The following CALCR variants were observed in gnomAD, a reference collection of about 807,000 sequenced individuals.
CALCR encodes calcitonin receptor.
CALCR carries 47 observed loss-of-function variants against 59.5 expected under a neutral mutation model. The ratio of observed to expected loss-of-function variants is 0.79; its 90% CI spans 0.63 to 1.01. CALCR has a LOEUF of 1.01. Ranked by LOEUF, CALCR falls within the 50% of genes least tolerant of loss-of-function variation. CALCR has a pLI of 0.00. For synonymous variants in CALCR, 213 were observed against 211.3 expected (o/e 1.01, Z -0.07); for missense variants, 566 against 597.1 (o/e 0.95, Z 0.54).
At chr7:93,510,046 G>A (rs1349201579) in intron 2 of CALCR, among the ~76,000 whole-genome samples, 6 of 152,130 alleles carry the variant, frequency 3.9e-5, no homozygotes, top group South Asian at 2.1e-4. Context: ...AAGAATAAAC[G>A]ACTCTTACTA....
chr7:93,471,072 T>C (rs1210523483), intron 6 of CALCR, among the ~76,000 whole-genome samples: 1 of 151,738 alleles, frequency 6.6e-6, no homozygotes, highest in Admixed American at 6.6e-5. Context: ...GTGAAAAGCA[T>C]TTTAATCATT....
chr7:93,505,354 A>G (rs1481282681), intron 2 of CALCR, among the ~76,000 whole-genome samples: 4 of 152,216 alleles, frequency 2.6e-5, no homozygotes, highest in Non-Finnish European at 5.9e-5. Flanking sequence ...GTGGAAGGAT[A>G]TGAATTAGTG....
intron 2 of CALCR, among the ~76,000 whole-genome samples, chr7:93,500,929 C>T (rs1189617764): frequency 1.3e-5 from 2 of 151,906 alleles, no homozygotes; most frequent in East Asian, 1.9e-4. Flanking sequence ...ACAAACTTTC[C>T]TTTTCTTCCT....
Position 93,436,088 on chromosome 7 carries a change from T to C in CALCR, c.1013A>G (p.Tyr338Cys), listed in dbSNP as rs762370041. The change falls in exon 12 of 14, where the codon TAC becomes TGC. Residue 338 changes from tyrosine (Y) to cysteine (C), a missense_variant. Tyr to Cys is a radical substitution (Grantham distance 194). Transcript: ENST00000426151. ...RETHEAESHM[Y>C]LKAVKATMIL... Reference sequence around the variant, plus strand: ...CATGGTGGCCTTCACAGCCTTCAGGTACATGTGGGATTCCGCCTCATGGGT... The same window carrying C: ...CATGGTGGCCTTCACAGCCTTCAGGCACATGTGGGATTCCGCCTCATGGGT... 3 of 1,614,126 alleles carry C rather than the reference T, an allele frequency of 1.9e-6. No individual in the cohort carries two copies. Among genetic ancestry groups the C allele is most frequent in the Non-Finnish European group, 1.7e-6 (2 of 1,179,968 alleles).
At chr7:93,445,172 A>C (rs1215632039) in intron 8 of CALCR, among the ~76,000 whole-genome samples, 1 of 152,064 alleles carries the variant, frequency 6.6e-6, no homozygotes, top group Non-Finnish European at 1.5e-5. Context: ...AAAGTAATTT[A>C]TATTTGGCTC....
At chr7:93,512,127 T>C (rs779188790) in intron 2 of CALCR, among the ~76,000 whole-genome samples, 54 of 152,178 alleles carry the variant, frequency 3.5e-4, no homozygotes, top group Non-Finnish European at 5.1e-4. Context: ...TCTTCAGTGG[T>C]GGCTGAAAGG....
chr7:93,448,314 G>A (rs1409016804), intron 8 of CALCR, among the ~76,000 whole-genome samples: 2 of 151,962 alleles, frequency 1.3e-5, no homozygotes, highest in Non-Finnish European at 2.9e-5. Context: ...AATTTTGTGA[G>A]ATGTTTTAGT....
At chr7:93,555,034 A>G (rs1256640634) in intron 2 of CALCR, among the ~76,000 whole-genome samples, 1 of 151,988 alleles carries the variant, frequency 6.6e-6, no homozygotes, top group Non-Finnish European at 1.5e-5. Context: ...CTGACTCCAG[A>G]GTCTGGGTAC....
At chr7:93,461,409 C>T (rs989952226) in intron 7 of CALCR, among the ~76,000 whole-genome samples, 3 of 152,138 alleles carry the variant, frequency 2.0e-5, no homozygotes, top group Admixed American at 2.0e-4. Flanking sequence ...AATCTATGTC[C>T]TTGAGCCATT....
chr7:93,434,216 C>T (rs1421725105), intron 13 of CALCR, 37 bp downstream of exon 13: 3 of 1,505,706 alleles, frequency 2.0e-6, no homozygotes, highest in Admixed American at 1.7e-5. Context: ...TGCCTTTACA[C>T]AAACAAGTGA....
chr7:93,440,333 C>G (rs1409339487), intron 9 of CALCR, among the ~76,000 whole-genome samples: 3 of 152,072 alleles, frequency 2.0e-5, no homozygotes, highest in Non-Finnish European at 4.4e-5. Context: ...CCCCATTAAA[C>G]TTTATAAAGT....
chr7:93,433,747 T>C (rs191204842), intron 13 of CALCR, among the ~76,000 whole-genome samples: 3 of 152,342 alleles, frequency 2.0e-5, no homozygotes, highest in Non-Finnish European at 4.4e-5. Flanking sequence ...TATGGCTCTC[T>C]AGATTTTACT....
At position 93,484,608 on chromosome 7, in the gene CALCR, C is replaced by A. The variant is rs528637966; in HGVS notation, c.51+2323G>T. 3.3e-5 allele frequency among the ~76,000 whole-genome samples: 5 copies of A among 151,890 alleles called. No homozygotes were observed. In the East Asian group the frequency reaches 7.8e-4, roughly 24 times the overall value. On this transcript the variant is annotated intron_variant, in intron 3 of 13. Transcript: ENST00000426151. ...AGCACACTGTTGTAAAAAGTGTTAG[C>A]CCTGGTTTTCCCAGGTAAGATCAGA...
chr7:93,430,802 T>C (rs562349931), intron 13 of CALCR, among the ~76,000 whole-genome samples: 1 of 152,164 alleles, frequency 6.6e-6, no homozygotes, highest in African/African-American at 2.4e-5. Context: ...GGCCAAGCAA[T>C]CCCTGGTTTC....
intron 12 of CALCR, 72 bp from the exon 13 acceptor site, chr7:93,434,366 A>G: frequency 1.0e-6 from 1 of 971,226 alleles, no homozygotes; most frequent in Non-Finnish European, 1.6e-6. Flanking sequence ...ACAATATAAT[A>G]GACTGCCCAG....
intron 2 of CALCR, among the ~76,000 whole-genome samples, chr7:93,552,529 G>A (rs1378334763): frequency 1.3e-5 from 2 of 152,048 alleles, no homozygotes; most frequent in East Asian, 3.9e-4. Context: ...CCATTGATAG[G>A]CTATATTTTA....
At chr7:93,460,751 AC>A (rs1800316215) in intron 8 of CALCR, 69 bp downstream of exon 8, 1 of 1,160,426 alleles carries the variant, frequency 8.6e-7, no homozygotes, top group African/African-American at 1.6e-5. Flanking sequence ...CAACATGAAC[AC>A]CATGTTCACT....
intron 2 of CALCR, among the ~76,000 whole-genome samples, chr7:93,553,126 A>G (rs903635127): frequency 1.3e-5 from 2 of 152,182 alleles, no homozygotes; most frequent in African/African-American, 4.8e-5. Context: ...ATTATGGGTT[A>G]TTTTAAAAAT....
intron 2 of CALCR, among the ~76,000 whole-genome samples, chr7:93,554,701 T>C (rs965090178): frequency 6.7e-6 from 1 of 148,816 alleles, no homozygotes; most frequent in Non-Finnish European, 1.5e-5. Flanking sequence ...GGAAGACCCA[T>C]TTCCCAGGTT....
Sources: allele counts gnomAD v4.1 joint callset (sites outside exome capture counted in the v4.1 genomes callset), GRCh38; gene constraint gnomAD v4.1.1; transcripts MANE v1.5; gene names NCBI Gene and HGNC (gene_info 2026-07-23, HGNC 2026-07-21).